Variants in PLEKHH2 observed in about 807,000 individuals in gnomAD.
PLEKHH2 encodes pleckstrin homology, MyTH4 and FERM domain containing H2.
A neutral mutation model predicts 187.9 loss-of-function variants in PLEKHH2; 129 were observed. The observed-to-expected ratio is 0.69, with a 90% CI of 0.59 to 0.79. PLEKHH2 has a LOEUF of 0.79. PLEKHH2 is among the 30% of genes least tolerant of loss of function. The pLI, the probability that PLEKHH2 is intolerant of heterozygous loss-of-function variation, is 0.00. For missense variants in PLEKHH2, 2,076 were observed against 1,751.2 expected, an observed-to-expected ratio of 1.19 and a Z score of -3.31; for synonymous variants, 686 against 605.6, an observed-to-expected ratio of 1.13 and a Z score of -1.95.
rs1470577364 is a variant in PLEKHH2 at position 43,765,534 on chromosome 2, G to A, written c.4418G>A (p.Arg1473Lys). ...LSAQTRGPQARMMGSQPLLSS... is the reference protein window; with the variant it reads ...LSAQTRGPQAKMMGSQPLLSS... ...GCCCAGACCCGGGGACCCCAAGCCAGAATGATGGGAAGCCAGCCTCTTCTG... is the reference window on the plus strand; with the variant it reads ...GCCCAGACCCGGGGACCCCAAGCCAAAATGATGGGAAGCCAGCCTCTTCTG... Residue 1473 changes from arginine (R) to lysine (K), a missense_variant, in exon 30 of 30, where the codon AGA becomes AAA. Transcript: ENST00000282406. 1 of 1,614,010 alleles carries A rather than the reference G, an allele frequency of 6.2e-7. No homozygotes were observed. The highest frequency in any genetic ancestry group is 8.5e-7 in the Non-Finnish European group (1 of 1,179,998).
intron 23 of PLEKHH2, 185 bp downstream of exon 23, chr2:43,744,174 A>C: frequency 7.9e-7 from 1 of 1,264,428 alleles, no homozygotes; most frequent in Non-Finnish European, 1.0e-6. Context: ...TTAATACACA[A>C]TCTCTACATA....
intron 25 of PLEKHH2, among the ~76,000 whole-genome samples, chr2:43,754,464 T>C (rs1190088455): frequency 6.6e-6 from 1 of 152,172 alleles, no homozygotes; most frequent in Non-Finnish European, 1.5e-5. Context: ...AGCAGCTGCA[T>C]AGAACGCCTC....
At chr2:43,641,979 C>T (rs1298706751) in intron 1 of PLEKHH2, among the ~76,000 whole-genome samples, 1 of 152,156 alleles carries the variant, frequency 6.6e-6, no homozygotes, top group African/African-American at 2.4e-5. Context: ...AATTTCCAGG[C>T]AAAGTTTGAT....
chr2:43,764,519 C>T (rs1405244740), intron 29 of PLEKHH2, among the ~76,000 whole-genome samples, 154 bp downstream of exon 29: 1 of 152,106 alleles, frequency 6.6e-6, no homozygotes, highest in African/African-American at 2.4e-5. Flanking sequence ...TATTTATAGT[C>T]AAACAAACAT....
intron 1 of PLEKHH2, among the ~76,000 whole-genome samples, chr2:43,637,984 T>A (rs1703194131): frequency 2.0e-5 from 3 of 152,180 alleles, no homozygotes; most frequent in Non-Finnish European, 4.4e-5. Flanking sequence ...CGTAACGCTG[T>A]GGAAATAGAA....
At chr2:43,711,901 A>AC in intron 14 of PLEKHH2, 2 of 995,388 alleles carry the variant, frequency 2.0e-6, no homozygotes, top group Non-Finnish European at 2.4e-6. Flanking sequence ...CTCAAAAAAA[A>AC]AAAAAAAAGA....
At chr2:43,680,818 C>A in intron 3 of PLEKHH2, 1 of 431,546 alleles carries the variant, frequency 2.3e-6, no homozygotes, top group South Asian at 2.6e-5. Flanking sequence ...TTATATCTTT[C>A]TTGATTGTAT....
intron 2 of PLEKHH2, among the ~76,000 whole-genome samples, chr2:43,646,462 A>C (rs1666189148): frequency 6.6e-6 from 1 of 152,154 alleles, no homozygotes; most frequent in South Asian, 2.1e-4. Flanking sequence ...GATCCCTCTC[A>C]AAATTTTCCT....
chr2:43,762,718 C>G (rs778916055), intron 28 of PLEKHH2, among the ~76,000 whole-genome samples: 3 of 152,092 alleles, frequency 2.0e-5, no homozygotes, highest in Non-Finnish European at 4.4e-5. Flanking sequence ...TGTAAGAAAT[C>G]ATTAAGGTGG....
At chr2:43,727,315 G>A (rs971247643) in intron 17 of PLEKHH2, among the ~76,000 whole-genome samples, 7 of 150,978 alleles carry the variant, frequency 4.6e-5, no homozygotes, top group Non-Finnish European at 8.8e-5. Context: ...GGGAGGCTGA[G>A]GCAGGGGAAT....
chr2:43,673,761 AATGTACCCATCATCACAT>A (rs1431656159), intron 2 of PLEKHH2, among the ~76,000 whole-genome samples: 4 of 152,190 alleles, frequency 2.6e-5, no homozygotes, highest in African/African-American at 9.7e-5. Context: ...TAAGTTAAAT[AATGTACCCATCATCACAT>A]AGCTAGTATT....
intron 2 of PLEKHH2, among the ~76,000 whole-genome samples, chr2:43,650,024 T>C (rs1358159532): frequency 6.6e-6 from 1 of 152,196 alleles, no homozygotes; most frequent in Non-Finnish European, 1.5e-5. Context: ...AGCAGTAAAT[T>C]AAGCACTTAG....
Position 43,692,520 on chromosome 2 carries a change from G to C in PLEKHH2, c.193G>C (p.Val65Leu). 1 of 1,570,302 alleles carries C rather than the reference G, an allele frequency of 6.4e-7. No individual in the cohort carries two copies. Among genetic ancestry groups the C allele is most frequent in the Non-Finnish European group, 8.7e-7 (1 of 1,145,330 alleles). Reference sequence around the variant, plus strand: ...TTTTATCCTTTGAATTTAGGTACAAGTTATGGAAGATAAATTAAAAGCAGC... The same window carrying C: ...TTTTATCCTTTGAATTTAGGTACAACTTATGGAAGATAAATTAAAAGCAGC... ...QAEKAFQQVQ[V>L]MEDKLKAANI... Residue 65 changes from valine to leucine, a missense_variant, in exon 4 of 30, where the codon GTT (valine) becomes CTT (leucine). By Grantham distance (32) the Val-to-Leu change is conservative. Coordinates refer to ENST00000282406, the MANE Select transcript of PLEKHH2 (RefSeq NM_172069.4).
chr2:43,726,363 GA>G lies in PLEKHH2; in HGVS notation c.2635del (p.Ser879ValfsTer22). On this transcript the variant is annotated frameshift_variant, in exon 17 of 30. Transcript: ENST00000282406. LOFTEE classifies it high-confidence loss of function. ...DSDEDYEASG[R>X]SLLSTHYTIV... Reference sequence around the variant, plus strand: ...GATGAAGATTATGAAGCCAGTGGACGAAGTCTGTTATCCACACATTATACTA... The same window carrying G: ...GATGAAGATTATGAAGCCAGTGGACGAGTCTGTTATCCACACATTATACTA... The G allele has an allele frequency of 6.2e-7, 1 of 1,610,524 alleles. No individual in the cohort carries two copies. The highest frequency in any genetic ancestry group is 1.3e-5 in the African/African-American group (1 of 74,920).
At chr2:43,643,731 G>A (rs1342984010) in intron 1 of PLEKHH2, among the ~76,000 whole-genome samples, 2 of 152,032 alleles carry the variant, frequency 1.3e-5, no homozygotes, top group Admixed American at 6.6e-5. Context: ...TTCATAGCAA[G>A]GGGAACTCAG....
At position 43,767,322 on chromosome 2, in the gene PLEKHH2, C is replaced by T. The variant is rs1339947056; in HGVS notation, c.*1724C>T. ...TCACATTAAGCCTTTTAAAAATGTT[C>T]CATACTGTATTAGCATCCTTAGAAG... On this transcript the variant is annotated 3_prime_UTR_variant, in exon 30 of 30. Transcript: ENST00000282406. The T allele has an allele frequency of 1.3e-5, 2 of 152,188 alleles. No individual in the cohort carries two copies. The highest frequency in any genetic ancestry group is 2.4e-5 in the African/African-American group (1 of 41,386). The allele number at this position is 152,188 out of a possible 1,614,324, so 9.4% of individuals were successfully genotyped here.
chr2:43,705,775 C>T (rs1366239352), intron 9 of PLEKHH2, among the ~76,000 whole-genome samples: 1 of 151,706 alleles, frequency 6.6e-6, no homozygotes, highest in African/African-American at 2.4e-5. Flanking sequence ...GTGTATGCCA[C>T]CATGTTTGGT....
chr2:43,677,203 G>GTT lies in PLEKHH2; in HGVS notation c.124-1648_124-1647dup, dbSNP rs201252535. ...ATCCAAACTGATGATGACTTTATGA[G>GTT]TTTTTTTTTTTTTAATTGATCATTC... is the stretch of plus-strand genomic sequence containing the variant. On this transcript the variant is annotated intron_variant, in intron 2 of 29. Transcript: ENST00000282406. Among the ~76,000 whole-genome samples the GTT allele has an allele frequency of 1.9e-3, 286 of 147,112 alleles. 2 individuals are homozygous for GTT. The highest frequency in any genetic ancestry group is 6.4e-3 in the African/African-American group (257 of 39,966).
chr2:43,720,280 CTTT>C (rs58739376), intron 15 of PLEKHH2, among the ~76,000 whole-genome samples: 22 of 147,720 alleles, frequency 1.5e-4, no homozygotes, highest in Admixed American at 2.0e-4. Context: ...ACAGGTAAAT[CTTT>C]TTTTTTTTTT....
Sources: gnomAD v4.1 joint callset for allele counts (sites outside exome capture counted in the v4.1 genomes callset) on GRCh38, gnomAD v4.1.1 for gene constraint, MANE v1.5 for transcripts, NCBI Gene and HGNC (gene_info 2026-07-23, HGNC 2026-07-21) for gene names.